F8: variants seen among roughly 807,000 people sequenced by gnomAD.
The protein encoded by F8 is antihemophilic factor.
F8 carries 12 observed loss-of-function variants against 140.6 expected under a neutral mutation model. The observed-to-expected ratio is 0.09, with a 90% CI of 0.05 to 0.14. The LOEUF (loss-of-function observed/expected upper bound fraction) is 0.14. F8 is among the 10% of genes least tolerant of loss of function. The probability of loss-of-function intolerance (pLI) is 1.00; values close to 1 mark genes in which losing one functional copy is unlikely to be tolerated. For synonymous variants in F8, 585 were observed against 614.6 expected (o/e 0.95, Z 0.71); for missense variants, 1,354 against 1,720.7 (o/e 0.79, Z 3.77).
intron 3 of F8, among the ~76,000 whole-genome samples, chrX:154,994,389 C>T (rs1054366127): frequency 8.9e-6 from 1 of 112,120 alleles, no homozygotes; most frequent in Non-Finnish European, 1.9e-5. Flanking sequence ...AATATCAATG[C>T]AATATTCAAA....
chrX:155,000,812 GTAGA>G (rs2073642449), intron 1 of F8, among the ~76,000 whole-genome samples: 1 of 112,071 alleles, frequency 8.9e-6, no homozygotes, highest in South Asian at 3.7e-4. Flanking sequence ...TTGAAAAGTG[GTAGA>G]TGTGAAAGAT....
chrX:154,906,592 G>A lies in F8; in HGVS notation c.5220-19C>T. 2 of 1,205,920 alleles carry A rather than the reference G, an allele frequency of 1.7e-6. No homozygotes were observed. Among genetic ancestry groups the A allele is most frequent in the Non-Finnish European group, 2.2e-6 (2 of 891,217 alleles). ...CTGAGCCCTGGAGAAAAAAAGCAGA[G>A]GAAAAGCAATAATTTTATGTACCAA... On this transcript the variant is annotated intron_variant, in intron 14 of 25. Coordinates refer to ENST00000360256, the MANE Select transcript of F8 (RefSeq NM_000132.4).
intron 12 of F8, among the ~76,000 whole-genome samples, chrX:154,950,144 C>T (rs1346321832): frequency 1.8e-5 from 2 of 111,580 alleles, no homozygotes; most frequent in Non-Finnish European, 3.8e-5. Flanking sequence ...CTTAATAAAC[C>T]CCTTAAAGAC....
At chrX:154,862,508 T>G (rs1210437798) in intron 23 of F8, among the ~76,000 whole-genome samples, 2 of 111,120 alleles carry the variant, frequency 1.8e-5, no homozygotes, top group Admixed American at 9.6e-5. Flanking sequence ...CTCACTCAGG[T>G]AGTGAGTGCA....
chrX:154,998,395 G>C (rs782313572), intron 2 of F8, among the ~76,000 whole-genome samples: 1 of 113,123 alleles, frequency 8.8e-6, no homozygotes, highest in Non-Finnish European at 1.9e-5. Context: ...TGGAAAGGAG[G>C]GGGGAGGGTA....
At chrX:154,953,855 T>C (rs782300210) in intron 12 of F8, 37 bp downstream of exon 12, 3 of 1,206,558 alleles carry the variant, frequency 2.5e-6, no homozygotes, top group Non-Finnish European at 3.4e-6. Context: ...TTTTTCTTTA[T>C]TCACCACCCA....
intron 13 of F8, among the ~76,000 whole-genome samples, chrX:154,944,738 G>A (rs2073293022): frequency 9.0e-6 from 1 of 111,390 alleles, no homozygotes. Flanking sequence ...TATAGCGGCA[G>A]TATTCACAAT....
rs201147256 is a variant in F8, at chrX:154,837,576, C to T, written c.*21G>A. The T allele has an allele frequency of 2.5e-6, 3 of 1,183,200 alleles. No individual in the cohort carries two copies. The Admixed American group carries it at 7.2e-5, about 28-fold the overall frequency. On this transcript the variant is annotated 3_prime_UTR_variant, in exon 26 of 26. Coordinates refer to ENST00000360256, the MANE Select transcript of F8 (RefSeq NM_000132.4). ...GAGGAGGGAGAGGTGACGGCAGTGGCAGGTGCTGCAGTGGCCACCCTCAGT... is the reference window on the plus strand; with the variant it reads ...GAGGAGGGAGAGGTGACGGCAGTGGTAGGTGCTGCAGTGGCCACCCTCAGT...
chrX:154,862,999 T>A, intron 23 of F8, 84 bp downstream of exon 23: 2 of 1,065,406 alleles, frequency 1.9e-6, no homozygotes, highest in Non-Finnish European at 2.6e-6. Flanking sequence ...CGGGAACCCC[T>A]CCCCCAGTCT....
At chrX:154,855,885 A>G (rs2072647995) in intron 25 of F8, among the ~76,000 whole-genome samples, 1 of 111,608 alleles carries the variant, frequency 9.0e-6, no homozygotes, top group African/African-American at 3.3e-5. Context: ...TCTAATTTAC[A>G]CAAGCAGGAA....
intron 25 of F8, among the ~76,000 whole-genome samples, chrX:154,839,242 C>T (rs1282319016): frequency 9.1e-6 from 1 of 110,005 alleles, no homozygotes; most frequent in Admixed American, 9.7e-5. Flanking sequence ...AATACCACCT[C>T]TTAAACTAAG....
At chrX:154,853,343 T>C (rs1429580099) in intron 25 of F8, among the ~76,000 whole-genome samples, 2 of 111,883 alleles carry the variant, frequency 1.8e-5, no homozygotes, top group Admixed American at 1.9e-4. Context: ...TTTATTTTCA[T>C]GTTTCCATAT....
intron 7 of F8, among the ~76,000 whole-genome samples, chrX:154,966,961 TATC>T (rs2073428379): frequency 9.1e-6 from 1 of 110,183 alleles, no homozygotes; most frequent in Non-Finnish European, 1.9e-5. Context: ...AATGACCAAA[TATC>T]ATGAAGACAG....
At chrX:155,010,684 A>T in intron 1 of F8, among the ~76,000 whole-genome samples, 1 of 110,647 alleles carries the variant, frequency 9.0e-6, no homozygotes, top group Non-Finnish European at 1.9e-5. Flanking sequence ...GCTGCATGCT[A>T]GATGGACACT....
intron 13 of F8, among the ~76,000 whole-genome samples, chrX:154,941,193 A>G (rs1209046398): frequency 7.2e-5 from 8 of 111,855 alleles, no homozygotes; most frequent in Non-Finnish European, 1.3e-4. Context: ...AATGGACTAA[A>G]TGCTCCAATT....
At chrX:154,962,893 CGA>C (rs141726799) in intron 9 of F8, among the ~76,000 whole-genome samples, 208 of 95,031 alleles carry the variant, frequency 2.2e-3, no homozygotes, top group Non-Finnish European at 1.7e-3. Context: ...GAGACAGAGA[CGA>C]GAGAGAGAGA....
chrX:154,972,609 T>A (rs2073462169), intron 6 of F8, among the ~76,000 whole-genome samples: 1 of 111,001 alleles, frequency 9.0e-6, no homozygotes, highest in East Asian at 2.8e-4. Flanking sequence ...ATTGATGTCA[T>A]GAAATGCTTA....
intron 5 of F8, 106 bp downstream of exon 5, chrX:154,987,131 A>G (rs1377810883): frequency 1.5e-6 from 1 of 657,352 alleles, no homozygotes; most frequent in East Asian, 3.3e-5. Context: ...CATCTCCTTC[A>G]TTCCTGAACA....
chrX:154,856,722 C>A (rs2072654120), intron 25 of F8, among the ~76,000 whole-genome samples: 1 of 111,972 alleles, frequency 8.9e-6, no homozygotes, highest in Admixed American at 9.4e-5. Flanking sequence ...TGGTACACTG[C>A]CAAGAATACT....
Sources: gnomAD v4.1 joint callset for allele counts (sites outside exome capture counted in the v4.1 genomes callset) on GRCh38, gnomAD v4.1.1 for gene constraint, MANE v1.5 for transcripts, NCBI Gene and HGNC (gene_info 2026-07-23, HGNC 2026-07-21) for gene names.